Variants in DIAPH2 observed in about 807,000 individuals in gnomAD.
DIAPH2 encodes protein diaphanous homolog 2.
DIAPH2 carries 35 observed loss-of-function variants against 92.7 expected under a neutral mutation model. That is an observed-to-expected ratio of 0.38 (90% CI 0.29 to 0.50). The LOEUF (loss-of-function observed/expected upper bound fraction) is 0.50, where lower values mean the gene tolerates loss of function less well. Ranked by LOEUF, DIAPH2 falls within the 20% of genes least tolerant of loss-of-function variation. The probability of loss-of-function intolerance (pLI) is 0.94; values close to 1 mark genes in which losing one functional copy is unlikely to be tolerated. For missense variants in DIAPH2, 701 were observed against 819.5 expected, an observed-to-expected ratio of 0.86 and a Z score of 1.77; for synonymous variants, 301 against 280.4, an observed-to-expected ratio of 1.07 and a Z score of -0.73.
intron 22 of DIAPH2, among the ~76,000 whole-genome samples, chrX:97,160,090 A>G (rs1187456585): frequency 9.8e-6 from 1 of 102,377 alleles, no homozygotes; most frequent in Non-Finnish European, 2.0e-5. Flanking sequence ...GGATTCATAA[A>G]AGACGGGGGC....
intron 22 of DIAPH2, among the ~76,000 whole-genome samples, chrX:97,236,503 A>T (rs1306575494): frequency 1.8e-5 from 2 of 109,028 alleles, no homozygotes; most frequent in African/African-American, 6.6e-5. Flanking sequence ...AAGTAAGGGT[A>T]TATATTAGTA....
intron 19 of DIAPH2, among the ~76,000 whole-genome samples, chrX:97,098,367 C>T (rs1395240161): frequency 8.9e-6 from 1 of 111,816 alleles, no homozygotes; most frequent in East Asian, 2.8e-4. Flanking sequence ...TACCCTTCTA[C>T]CCCCAGCTTC....
chrX:96,813,602 C>A (rs2064704912), intron 4 of DIAPH2, among the ~76,000 whole-genome samples: 1 of 111,222 alleles, frequency 9.0e-6, no homozygotes, highest in African/African-American at 3.3e-5. Flanking sequence ...TTAGTTGATG[C>A]AGTTTCTTCC....
intron 4 of DIAPH2, among the ~76,000 whole-genome samples, chrX:96,805,740 G>T (rs999384945): frequency 9.0e-6 from 1 of 111,158 alleles, no homozygotes; most frequent in Non-Finnish European, 1.9e-5. Context: ...TAGCCCCTGA[G>T]CCTGATTCTT....
At chrX:97,086,888 TG>T (rs1388891080) in intron 19 of DIAPH2, among the ~76,000 whole-genome samples, 1 of 111,072 alleles carries the variant, frequency 9.0e-6, no homozygotes, top group Non-Finnish European at 1.9e-5. Context: ...TTCCTTGCTG[TG>T]GTATGCAGGT....
chrX:97,478,727 A>G (rs764035554), intron 26 of DIAPH2, among the ~76,000 whole-genome samples: 1 of 112,148 alleles, frequency 8.9e-6, no homozygotes, highest in South Asian at 3.7e-4. Context: ...CCATTAATTC[A>G]GAGAAAATAA....
chrX:96,793,021 C>T (rs1284053704), intron 4 of DIAPH2, among the ~76,000 whole-genome samples: 1 of 111,839 alleles, frequency 8.9e-6, no homozygotes, highest in Non-Finnish European at 1.9e-5. Flanking sequence ...AAAAAGTATA[C>T]TTGTCAAGGA....
At position 97,046,448 on chromosome X, in the gene DIAPH2, T is replaced by C. The variant is rs1407291744; in HGVS notation, c.2051-26493T>C. ...CCATTTGATAGTTTCTATTTTCTCA[T>C]TAGTTAGGCAGCAGTGTCATCACCT... is the stretch of plus-strand genomic sequence containing the variant. On this transcript the variant is annotated intron_variant, in intron 17 of 26. Coordinates refer to ENST00000324765, the MANE Select transcript of DIAPH2 (RefSeq NM_006729.5). Among the ~76,000 whole-genome samples the C allele has an allele frequency of 1.8e-5, 2 of 111,206 alleles. 1 individual carries two copies. The highest frequency in any genetic ancestry group is 3.8e-5 in the Non-Finnish European group (2 of 53,008).
intron 4 of DIAPH2, among the ~76,000 whole-genome samples, chrX:96,808,378 T>A (rs1214046304): frequency 8.9e-6 from 1 of 111,879 alleles, no homozygotes; most frequent in Non-Finnish European, 1.9e-5. Flanking sequence ...AAAGTTATAG[T>A]GACAAAATGT....
At chrX:97,388,547 T>C (rs1478813386) in intron 25 of DIAPH2, among the ~76,000 whole-genome samples, 1 of 110,725 alleles carries the variant, frequency 9.0e-6, no homozygotes, top group East Asian at 2.8e-4. Flanking sequence ...TTTCCTAAAA[T>C]AAATATTTTA....
intron 24 of DIAPH2, among the ~76,000 whole-genome samples, chrX:97,370,264 A>G (rs1383121568): frequency 9.0e-6 from 1 of 111,427 alleles, no homozygotes; most frequent in African/African-American, 3.3e-5. Context: ...GGACAGATAA[A>G]TTTTCAATGG....
At chrX:96,708,246 A>ATT (rs761334810) in intron 1 of DIAPH2, among the ~76,000 whole-genome samples, 1 of 36,041 alleles carries the variant, frequency 2.8e-5, no homozygotes, top group African/African-American at 1.1e-4. Context: ...CACCCAGATC[A>ATT]TTTTTTTTTT....
chrX:96,862,430 T>A (rs937207617), intron 4 of DIAPH2, among the ~76,000 whole-genome samples: 6 of 111,839 alleles, frequency 5.4e-5, no homozygotes, highest in Non-Finnish European at 7.5e-5. Context: ...TCACTGAGAT[T>A]AATGAGCATT....
At chrX:97,025,299 G>A (rs931031364) in intron 17 of DIAPH2, among the ~76,000 whole-genome samples, 3 of 110,045 alleles carry the variant, frequency 2.7e-5, no homozygotes, top group African/African-American at 6.6e-5. Flanking sequence ...GCAGTGAGCC[G>A]CGATTGAGCC....
intron 5 of DIAPH2, chrX:96,884,415 G>T: frequency 8.3e-7 from 1 of 1,210,524 alleles, no homozygotes; most frequent in Non-Finnish European, 1.1e-6. Flanking sequence ...CTGCTATTAA[G>T]ACCCAAAGAC....
intron 17 of DIAPH2, among the ~76,000 whole-genome samples, chrX:97,035,270 C>T (rs1028885267): frequency 1.8e-5 from 2 of 111,463 alleles, no homozygotes; most frequent in East Asian, 2.8e-4. Flanking sequence ...ATCTATGGGA[C>T]GCCTTCATTA....
intron 17 of DIAPH2, among the ~76,000 whole-genome samples, chrX:97,006,097 C>A (rs2066180524): frequency 9.0e-6 from 1 of 110,629 alleles, no homozygotes; most frequent in African/African-American, 3.3e-5. Flanking sequence ...GTTCAATTTC[C>A]ATGTTTTTGT....
chrX:97,023,326 C>T (rs2066310485), intron 17 of DIAPH2, among the ~76,000 whole-genome samples: 1 of 110,930 alleles, frequency 9.0e-6, no homozygotes, highest in Admixed American at 9.6e-5. Flanking sequence ...TTCTGTACAC[C>T]TATGAATTGA....
intron 26 of DIAPH2, among the ~76,000 whole-genome samples, chrX:97,497,315 G>T (rs1437723910): frequency 9.0e-6 from 1 of 110,783 alleles, no homozygotes; most frequent in East Asian, 2.8e-4. Flanking sequence ...AAATGGAGTT[G>T]GCACTCCATC....
Sources: allele counts gnomAD v4.1 joint callset (sites outside exome capture counted in the v4.1 genomes callset), GRCh38; gene constraint gnomAD v4.1.1; transcripts MANE v1.5; gene names NCBI Gene and HGNC (gene_info 2026-07-23, HGNC 2026-07-21).